Variants in DDR1 observed in about 807,000 individuals in gnomAD.
DDR1 encodes the protein epithelial discoidin domain-containing receptor 1.
In DDR1, 64 loss-of-function variants were observed where a neutral mutation model predicts 97.4. The ratio of observed to expected loss-of-function variants is 0.66; its 90% CI spans 0.54 to 0.81. DDR1 has a LOEUF of 0.81. Among genes scored for constraint, DDR1 ranks in the 30% least tolerant of loss-of-function variants. DDR1 has a pLI of 0.00. For missense variants in DDR1, 990 were observed against 1,259.6 expected, an observed-to-expected ratio of 0.79 and a Z score of 3.24; for synonymous variants, 458 against 503.7, an observed-to-expected ratio of 0.91 and a Z score of 1.21.
At position 30,891,611 on chromosome 6, in the gene DDR1, A is replaced by T. The variant is rs1293646713; in HGVS notation, c.665+132A>T. 2.9e-6 allele frequency: 2 copies of T among 701,440 alleles called. No individual in the cohort carries two copies. Among genetic ancestry groups the T allele is most frequent in the African/African-American group, 1.8e-5 (1 of 56,344 alleles). The allele number at this position is 701,440 out of a possible 1,614,324, so 43.5% of individuals were successfully genotyped here. A position where few individuals can be genotyped will look rare whatever the true frequency, so the allele number is the denominator to read the frequency against. On this transcript the variant is annotated intron_variant, in intron 6 of 17. Transcript: ENST00000376568. The surrounding 1 kb of genome is among the most constrained non-coding windows in gnomAD (Gnocchi z 5.3). ...AGTAGGGTGGGGAGTGAGATGGAAGAGCTGAGAAGAGGGATGGGTTAGGTG... is the reference window on the plus strand; with the variant it reads ...AGTAGGGTGGGGAGTGAGATGGAAGTGCTGAGAAGAGGGATGGGTTAGGTG...
chr6:30,892,584 C>T, intron 8 of DDR1, 42 bp downstream of exon 8: 1 of 1,521,864 alleles, frequency 6.6e-7, no homozygotes, highest in Non-Finnish European at 8.8e-7. Context: ...CTGAAATTGA[C>T]AACTGATTTC....
rs767957376 is a variant in DDR1, at chr6:30,886,109, C to T, written c.-43+1399C>T. On this transcript the variant is annotated intron_variant, in intron 1 of 17. Coordinates refer to ENST00000376568, the MANE Select transcript of DDR1 (RefSeq NM_001297654.2). This position sits in a 1 kb window ranked among gnomAD's most constrained non-coding sequence, Gnocchi z 4.6. The stretch of plus-strand genomic sequence containing the variant: ...CGTCTCTGTGCTTCTCCGTGTTCCT[C>T]TGCTTGGCTCTGTGCCCCGTGTTTC... Among the ~76,000 whole-genome samples the T allele has an allele frequency of 1.3e-5, 2 of 152,106 alleles. No individual in the cohort carries two copies. The highest frequency in any genetic ancestry group is 4.8e-5 in the African/African-American group (2 of 41,408).
At chr6:30,885,115 T>C in intron 1 of DDR1, 1 of 1,328,064 alleles carries the variant, frequency 7.5e-7, no homozygotes, top group Non-Finnish European at 1.0e-6. Context: ...CAACACCCAG[T>C]TGGTCAGTCT....
intron 10 of DDR1, 107 bp downstream of exon 10, chr6:30,893,530 G>A (rs1315317447): frequency 1.4e-6 from 2 of 1,469,532 alleles, no homozygotes; most frequent in Non-Finnish European, 9.0e-7. Context: ...CCCAAGAGGA[G>A]GGCTTAGTAA....
chr6:30,894,403 G>A lies in DDR1; in HGVS notation c.1348-103G>A, dbSNP rs1386669557. ...TGCTGATAGTATCCACAGCTGTAGG[G>A]CTCTTGTGAGGGCTGAGGGAGGGAA... On this transcript the variant is annotated intron_variant, in intron 10 of 17. Coordinates refer to ENST00000376568, the MANE Select transcript of DDR1 (RefSeq NM_001297654.2). The surrounding 1 kb of genome is among the most constrained non-coding windows in gnomAD (Gnocchi z 5.7). The A allele has an allele frequency of 1.1e-5, 13 of 1,157,880 alleles. No homozygotes were observed. Among genetic ancestry groups the A allele is most frequent in the Non-Finnish European group, 1.3e-5 (11 of 835,774 alleles). 71.7% of individuals were successfully genotyped at this position (1,157,880 alleles called of 1,614,324 possible). A position where few individuals can be genotyped will look rare whatever the true frequency, so the allele number is the denominator to read the frequency against.
In DDR1 at chr6:30,890,964, G is replaced by A; in HGVS notation, c.418-9G>A. ...CCATCCCACCCACCCCCTGTTTCCT[G>A]GCCCACAGGTGATCTCAGGCAATGA... On this transcript the variant is annotated splice_polypyrimidine_tract_variant and intron_variant, in intron 4 of 17. Coordinates refer to ENST00000376568, the MANE Select transcript of DDR1 (RefSeq NM_001297654.2). This position sits in a 1 kb window ranked among gnomAD's most constrained non-coding sequence, Gnocchi z 5.0. 1 of 1,584,762 alleles carries A rather than the reference G, an allele frequency of 6.3e-7. No homozygotes were observed. Among genetic ancestry groups the A allele is most frequent in the Non-Finnish European group, 8.6e-7 (1 of 1,165,898 alleles).
At chr6:30,893,466 GC>G in intron 10 of DDR1, 43 bp downstream of exon 10, 1 of 1,568,356 alleles carries the variant, frequency 6.4e-7, no homozygotes, top group South Asian at 1.2e-5. Flanking sequence ...GGGAGGCCAG[GC>G]CCCAGCACGA....
At chr6:30,895,641 G>A (rs1011867598) in intron 12 of DDR1, 127 bp downstream of exon 12, 2 of 582,420 alleles carry the variant, frequency 3.4e-6, no homozygotes, top group African/African-American at 3.8e-5. Context: ...AGCTCCCAAG[G>A]AGGAAGCTCT....
Position 30,893,123 on chromosome 6 carries a change from G to T in DDR1, c.1155G>T (p.Trp385Cys). The change falls in exon 9 of 18, where the codon TGG becomes TGT. Residue 385 changes from tryptophan to cysteine, a missense_variant. Physicochemically the swap from Trp to Cys is radical, Grantham distance 215. Transcript: ENST00000376568. ...ALGGTFPPAP[W>C]WPPGPPPTNF... ...GAGGCACCTTCCCGCCAGCCCCCTG[G>T]TGGCCGCCTGGCCCACCTCCCACCA... is the stretch of plus-strand genomic sequence containing the variant. 6.2e-7 allele frequency: 1 copy of T among 1,611,104 alleles called. No individual in the cohort carries two copies.
In DDR1 at chr6:30,891,343, T is replaced by C. The variant is rs745467014; in HGVS notation, c.566-37T>C. On this transcript the variant is annotated intron_variant, in intron 5 of 17. Transcript: ENST00000376568. The surrounding 1 kb of genome is among the most constrained non-coding windows in gnomAD (Gnocchi z 5.3). ...GATGCAGGGATGGGGGATGGAGCCT[T>C]AGTGCCTCTGACCCCCATCCTCTCA... is the stretch of plus-strand genomic sequence containing the variant. The C allele has an allele frequency of 6.5e-7, 1 of 1,541,936 alleles. No homozygotes were observed. Among genetic ancestry groups the C allele is most frequent in the Non-Finnish European group, 8.9e-7 (1 of 1,118,068 alleles).
At chr6:30,898,780 C>G (rs1791869010) in intron 16 of DDR1, 108 bp from the exon 17 acceptor site, 4 of 1,231,370 alleles carry the variant, frequency 3.2e-6, no homozygotes, top group Admixed American at 2.1e-5. Flanking sequence ...CAGGAGGGAT[C>G]AGGCCTGAGT....
intron 9 of DDR1, 41 bp from the exon 10 acceptor site, chr6:30,893,231 G>C (rs777070953): frequency 1.3e-6 from 2 of 1,597,920 alleles, no homozygotes; most frequent in African/African-American, 2.7e-5. Flanking sequence ...CTCGGCTAGG[G>C]TGGGACCCTC....
chr6:30,885,738 G>A lies in DDR1; in HGVS notation c.-43+1028G>A, dbSNP rs1195924398. 6 of 1,295,342 alleles carry A rather than the reference G, an allele frequency of 4.6e-6. No individual in the cohort carries two copies. In the South Asian group the frequency reaches 7.4e-5, roughly 16 times the overall value. 80.2% of individuals were successfully genotyped at this position (1,295,342 alleles called of 1,614,324 possible). On this transcript the variant is annotated intron_variant, in intron 1 of 17. Transcript: ENST00000376568. Reference sequence around the variant, plus strand: ...GTGTTTGCTCTGTCTCAGAAACTCTGTGAGGGTTGTCAGGGACACTGAGAG... The same window carrying A: ...GTGTTTGCTCTGTCTCAGAAACTCTATGAGGGTTGTCAGGGACACTGAGAG...
Position 30,897,640 on chromosome 6 carries a change from G to C in DDR1, c.2216+43G>C. 1 of 1,510,644 alleles carries C rather than the reference G, an allele frequency of 6.6e-7. No homozygotes were observed. Among genetic ancestry groups the C allele is most frequent in the Non-Finnish European group, 9.1e-7 (1 of 1,104,612 alleles). 93.6% of individuals were successfully genotyped at this position (1,510,644 alleles called of 1,614,324 possible). On this transcript the variant is annotated intron_variant, in intron 15 of 17. Transcript: ENST00000376568. This position sits in a 1 kb window ranked among gnomAD's most constrained non-coding sequence, Gnocchi z 5.2. ...CTGGGCCTTGCTCAGAATTCCCCCA[G>C]GGGATCTCCTCCTCTCCCCTCGCTT...
At chr6:30,887,510 TTATTC>T (rs1376999433) in intron 1 of DDR1, among the ~76,000 whole-genome samples, 1 of 152,214 alleles carries the variant, frequency 6.6e-6, no homozygotes, top group Non-Finnish European at 1.5e-5. Context: ...GGGTGCTTGT[TTATTC>T]TATTTTCAAA....
chr6:30,889,083 C>A lies in DDR1; in HGVS notation c.188+73C>A. 1 of 1,587,410 alleles carries A rather than the reference C, an allele frequency of 6.3e-7. No homozygotes were observed. On this transcript the variant is annotated intron_variant, in intron 3 of 17. Transcript: ENST00000376568. The surrounding 1 kb of genome is among the most constrained non-coding windows in gnomAD (Gnocchi z 4.9). The stretch of plus-strand genomic sequence containing the variant: ...TGGGACCTCTACTTCCCCTCCAACC[C>A]CTCTGCCCATGCCAGTGAAACCCCT...
chr6:30,889,410 A>G lies in DDR1; in HGVS notation c.397A>G (p.Lys133Glu), dbSNP rs1562376866. The change falls in exon 4 of 18, where the codon AAG becomes GAG. Residue 133 changes from lysine (K) to glutamate (E), a missense_variant. Physicochemically the swap from Lys to Glu is moderately conservative, Grantham distance 56. Transcript: ENST00000376568. This position sits in a 1 kb window ranked among gnomAD's most constrained non-coding sequence, Gnocchi z 4.9. ...GGATGGTCGCCGCTGGATGGGCTGG[A>G]AGGACCGCTGGGGTCAGGAGGTGAG... The part of the protein sequence containing the change: ...SRDGRRWMGW[K>E]DRWGQEVISG... The G allele has an allele frequency of 2.6e-6, 4 of 1,567,598 alleles. No homozygotes were observed. In the East Asian group the frequency reaches 6.8e-5, roughly 27 times the overall value.
rs1788020008 is a variant in DDR1, at chr6:30,891,173, T to C, written c.565+53T>C. The C allele has an allele frequency of 6.2e-7, 1 of 1,604,556 alleles. No homozygotes were observed. Among genetic ancestry groups the C allele is most frequent in the African/African-American group, 1.3e-5 (1 of 74,728 alleles). On this transcript the variant is annotated intron_variant, in intron 5 of 17. Transcript: ENST00000376568. This position sits in a 1 kb window ranked among gnomAD's most constrained non-coding sequence, Gnocchi z 5.3. ...GTTTCCTGAGCAGGGGACTGGAGGG[T>C]GGGGAGTGTGGAGAATGGGCATCCA... is the stretch of plus-strand genomic sequence containing the variant.
At position 30,897,129 on chromosome 6, in the gene DDR1, C is replaced by T. The variant is rs772179437; in HGVS notation, c.1985C>T (p.Thr662Ile). The T allele has an allele frequency of 6.2e-7, 1 of 1,613,708 alleles. No individual in the cohort carries two copies. The change falls in exon 14 of 18, where the codon ACC becomes ATC. Residue 662 changes from threonine (T) to isoleucine (I), a missense_variant. Thr to Ile is a moderately conservative substitution (Grantham distance 89). Coordinates refer to ENST00000376568, the MANE Select transcript of DDR1 (RefSeq NM_001297654.2). This position sits in a 1 kb window ranked among gnomAD's most constrained non-coding sequence, Gnocchi z 5.2. ...GTCAAGATCTTACGGCCAGATGCCA[C>T]CAAGAATGCCAGGTGAGGACCAGGG... The part of the protein sequence containing the change: ...VAVKILRPDA[T>I]KNARNDFLKE...
Sources: gnomAD v4.1 joint callset for allele counts (sites outside exome capture counted in the v4.1 genomes callset) on GRCh38, gnomAD v4.1.1 for gene constraint, Gnocchi (gnomAD v3.1) non-coding constraint, MANE v1.5 for transcripts, NCBI Gene and HGNC (gene_info 2026-07-23, HGNC 2026-07-21) for gene names.